The following MGMT variants were observed in gnomAD, a reference collection of about 807,000 sequenced individuals.
MGMT encodes the protein O-6-methylguanine-DNA methyltransferase.
MGMT carries 14 observed loss-of-function variants against 15.9 expected under a neutral mutation model. The ratio of observed to expected loss-of-function variants is 0.88; its 90% confidence interval spans 0.58 to 1.37. The LOEUF (loss-of-function observed/expected upper bound fraction) is 1.37, where lower values mean the gene tolerates loss of function less well. Among genes scored for constraint, MGMT ranks in the 40% most tolerant of loss-of-function variants. The pLI, the probability that MGMT is intolerant of heterozygous loss-of-function variation, is 0.00. For missense variants in MGMT, 282 were observed against 268.1 expected (o/e 1.05, Z -0.36); for synonymous variants, 130 against 118.2 (o/e 1.10, Z -0.65).
chr10:129,749,170 CTT>C (rs1428614252), intron 3 of MGMT, among the ~76,000 whole-genome samples: 1 of 152,176 alleles, frequency 6.6e-6, no homozygotes, highest in Non-Finnish European at 1.5e-5. Flanking sequence ...TAGATTCACT[CTT>C]TGTGCTGTAA....
intron 2 of MGMT, among the ~76,000 whole-genome samples, chr10:129,658,627 C>T (rs1847559036): frequency 6.6e-6 from 1 of 152,158 alleles, no homozygotes; most frequent in South Asian, 2.1e-4. Flanking sequence ...CAAGGGAGCT[C>T]ACCACATCCT....
chr10:129,722,721 G>A (rs543066375), intron 3 of MGMT, among the ~76,000 whole-genome samples: 2 of 152,204 alleles, frequency 1.3e-5, no homozygotes, highest in South Asian at 4.1e-4. Flanking sequence ...GTAAAGTCTT[G>A]TTGGCCAGGC....
chr10:129,633,114 T>G (rs542314369), intron 2 of MGMT, among the ~76,000 whole-genome samples: 2 of 152,350 alleles, frequency 1.3e-5, no homozygotes, highest in African/African-American at 4.8e-5. Flanking sequence ...ATCAGTCTTG[T>G]GACCATATAC....
intron 2 of MGMT, among the ~76,000 whole-genome samples, chr10:129,675,442 A>T (rs1282979682): frequency 1.3e-5 from 2 of 152,176 alleles, no homozygotes; most frequent in African/African-American, 2.4e-5. Flanking sequence ...AAGAGTTAGG[A>T]GTGAAAACGA....
At chr10:129,685,424 T>G (rs779758210) in intron 2 of MGMT, among the ~76,000 whole-genome samples, 125 of 152,310 alleles carry the variant, frequency 8.2e-4, no homozygotes, top group Admixed American at 5.9e-4. Context: ...TTCCCCTCCC[T>G]GTCTAGTGCC....
intron 2 of MGMT, among the ~76,000 whole-genome samples, chr10:129,678,934 G>A (rs368365408): frequency 1.6e-4 from 24 of 152,014 alleles, no homozygotes; most frequent in Middle Eastern, 3.2e-3. Context: ...CTCGCCGAGC[G>A]TGGTGGTGCA....
At chr10:129,655,915 G>T (rs1362730800) in intron 2 of MGMT, among the ~76,000 whole-genome samples, 1 of 152,208 alleles carries the variant, frequency 6.6e-6, no homozygotes, top group Non-Finnish European at 1.5e-5. Context: ...TGGATGAGAA[G>T]TTCCACGTGT....
intron 1 of MGMT, among the ~76,000 whole-genome samples, chr10:129,485,565 A>G (rs1295098321): frequency 1.3e-5 from 2 of 152,256 alleles, no homozygotes; most frequent in Middle Eastern, 3.2e-3. Flanking sequence ...TGCTGCTCAA[A>G]GCTGATGCTC....
At chr10:129,710,885 T>A (rs1418519448) in intron 3 of MGMT, among the ~76,000 whole-genome samples, 1 of 152,232 alleles carries the variant, frequency 6.6e-6, no homozygotes, top group Non-Finnish European at 1.5e-5. Context: ...ACATTTTAAT[T>A]TCTGTATATG....
intron 1 of MGMT, among the ~76,000 whole-genome samples, chr10:129,522,775 T>C (rs1490670694): frequency 6.6e-6 from 1 of 152,118 alleles, no homozygotes; most frequent in Non-Finnish European, 1.5e-5. Context: ...AAGAGGAACT[T>C]CCCCTCAGCC....
At chr10:129,688,910 G>C (rs1564762039) in intron 2 of MGMT, among the ~76,000 whole-genome samples, 1 of 151,782 alleles carries the variant, frequency 6.6e-6, no homozygotes, top group Non-Finnish European at 1.5e-5. Context: ...CATGTAGTGG[G>C]TTTTCTGTTT....
At chr10:129,574,121 C>T (rs1210305284) in intron 2 of MGMT, among the ~76,000 whole-genome samples, 3 of 152,218 alleles carry the variant, frequency 2.0e-5, no homozygotes, top group East Asian at 1.9e-4. Context: ...GTTATTTATG[C>T]GCAGTTACTG....
At chr10:129,718,942 T>A (rs754752551) in intron 3 of MGMT, among the ~76,000 whole-genome samples, 1 of 151,642 alleles carries the variant, frequency 6.6e-6, no homozygotes, top group Non-Finnish European at 1.5e-5. Flanking sequence ...TGCATCACCT[T>A]CCGCTCAGGT....
At chr10:129,516,893 G>A (rs1845744154) in intron 1 of MGMT, among the ~76,000 whole-genome samples, 1 of 152,242 alleles carries the variant, frequency 6.6e-6, no homozygotes, top group South Asian at 2.1e-4. Context: ...CGCCATCGGT[G>A]AAAGTGGAGA....
chr10:129,753,307 TTGAA>T (rs944297332), intron 3 of MGMT, among the ~76,000 whole-genome samples: 5 of 152,200 alleles, frequency 3.3e-5, no homozygotes, highest in Admixed American at 1.3e-4. Flanking sequence ...ATGGATTTCT[TTGAA>T]TGTGTCCTGT....
chr10:129,766,578 G>A (rs958934407), intron 4 of MGMT, among the ~76,000 whole-genome samples: 4 of 152,156 alleles, frequency 2.6e-5, no homozygotes, highest in Non-Finnish European at 4.4e-5. Context: ...CCCCCAACCC[G>A]TGCTGAGACC....
At chr10:129,547,410 A>G (rs899295973) in intron 2 of MGMT, among the ~76,000 whole-genome samples, 13 of 152,236 alleles carry the variant, frequency 8.5e-5, no homozygotes, top group South Asian at 4.2e-4. Flanking sequence ...AAACACACAC[A>G]TGCAAATATT....
intron 3 of MGMT, among the ~76,000 whole-genome samples, chr10:129,754,167 T>G (rs1848780092): frequency 6.6e-6 from 1 of 152,150 alleles, no homozygotes; most frequent in Non-Finnish European, 1.5e-5. Flanking sequence ...CCCGAACAGG[T>G]GAGTCCAGAA....
At chr10:129,578,389 T>C (rs1846512166) in intron 2 of MGMT, among the ~76,000 whole-genome samples, 1 of 152,134 alleles carries the variant, frequency 6.6e-6, no homozygotes, top group South Asian at 2.1e-4. Context: ...TGTAGGGACA[T>C]GGATGAAGCT....
Sources: gnomAD v4.1 joint callset for allele counts (sites outside exome capture counted in the v4.1 genomes callset) on GRCh38, gnomAD v4.1.1 for gene constraint, MANE v1.5 for transcripts, NCBI Gene and HGNC (gene_info 2026-07-23, HGNC 2026-07-21) for gene names.